The following LHFPL6 variants were observed in gnomAD, a reference collection of about 807,000 sequenced individuals.
The protein encoded by LHFPL6 is LHFPL tetraspan subfamily member 6, also known as LHFPL tetraspan subfamily member 6 protein.
A neutral mutation model predicts 20.6 loss-of-function variants in LHFPL6; 9 were observed. The ratio of observed to expected loss-of-function variants is 0.44; its 90% CI spans 0.26 to 0.76. The LOEUF is 0.76. Ranked by LOEUF, LHFPL6 falls within the 30% of genes least tolerant of loss-of-function variation. LHFPL6 has a pLI of 0.20. For missense variants in LHFPL6, 218 were observed against 253.5 expected, an observed-to-expected ratio of 0.86 and a Z score of 0.95; for synonymous variants, 105 against 98.7, an observed-to-expected ratio of 1.06 and a Z score of -0.38.
chr13:39,583,917 C>T (rs1315262978), intron 2 of LHFPL6, among the ~76,000 whole-genome samples: 2 of 152,096 alleles, frequency 1.3e-5, no homozygotes, highest in East Asian at 3.9e-4. Context: ...CACACCCAAG[C>T]GCCTCGTCTT....
chr13:39,376,047 GTTTGACATTCAAAGTTTTA>G (rs1231915691), intron 3 of LHFPL6, among the ~76,000 whole-genome samples: 1 of 152,158 alleles, frequency 6.6e-6, no homozygotes, highest in African/African-American at 2.4e-5. Flanking sequence ...TCAACGTTTA[GTTTGACATTCAAAGTTTTA>G]TTCCACAATG....
intron 2 of LHFPL6, among the ~76,000 whole-genome samples, chr13:39,432,480 C>T (rs73460966): frequency 0.026 from 3,939 of 152,062 alleles, 154 homozygotes; most frequent in African/African-American, 0.087. Flanking sequence ...TGCTCCCCTC[C>T]TCTGCAGGGT....
chr13:39,416,784 T>G (rs1012276357), intron 2 of LHFPL6, among the ~76,000 whole-genome samples: 12 of 152,228 alleles, frequency 7.9e-5, no homozygotes, highest in African/African-American at 2.6e-4. Flanking sequence ...GTAGAAAAAA[T>G]TTGTAAATGG....
intron 2 of LHFPL6, among the ~76,000 whole-genome samples, chr13:39,550,238 T>C (rs1871109721): frequency 6.6e-6 from 1 of 152,046 alleles, no homozygotes. Context: ...AGAAAACAGG[T>C]CACTGATTGT....
At chr13:39,419,748 A>G (rs1475608750) in intron 2 of LHFPL6, among the ~76,000 whole-genome samples, 1 of 152,170 alleles carries the variant, frequency 6.6e-6, no homozygotes, top group African/African-American at 2.4e-5. Flanking sequence ...TAGATTTTTA[A>G]CAATCATATT....
intron 2 of LHFPL6, among the ~76,000 whole-genome samples, chr13:39,511,972 G>A (rs1186288727): frequency 1.3e-5 from 2 of 152,146 alleles, no homozygotes; most frequent in African/African-American, 2.4e-5. Context: ...TAAATGCCTC[G>A]AAACATTTTC....
At chr13:39,554,249 A>G (rs535228250) in intron 2 of LHFPL6, among the ~76,000 whole-genome samples, 11 of 149,394 alleles carry the variant, frequency 7.4e-5, no homozygotes, top group African/African-American at 2.5e-4. Context: ...GTTATCTACC[A>G]GTCTCCATTT....
rs1485530232 is a variant in LHFPL6, at chr13:39,412,918, G to A, written c.386-34392C>T. Among the ~76,000 whole-genome samples, 6 of 89,022 alleles carry A rather than the reference G, an allele frequency of 6.7e-5. No homozygotes were observed. In the East Asian group the frequency reaches 9.3e-4, roughly 14 times the overall value. 58.4% of individuals were successfully genotyped at this position (89,022 alleles called of 152,430 possible). ...GCCTGGTCAACAGAGCAATACTCCC[G>A]TCTCAAAAAAAAAAAAAGAAAAAAA... On this transcript the variant is annotated intron_variant, in intron 2 of 3. Transcript: ENST00000379589.
chr13:39,486,935 C>T (rs1280245656), intron 2 of LHFPL6, among the ~76,000 whole-genome samples: 1 of 152,204 alleles, frequency 6.6e-6, no homozygotes, highest in South Asian at 2.1e-4. Flanking sequence ...TTAATCAGCA[C>T]ACAACAGAGA....
intron 2 of LHFPL6, among the ~76,000 whole-genome samples, chr13:39,390,025 C>T (rs540823882): frequency 8.1e-4 from 124 of 152,286 alleles, no homozygotes; most frequent in Middle Eastern, 6.8e-3. Flanking sequence ...CTCCCAACTA[C>T]CTTCATTCAT....
chr13:39,447,381 C>T (rs553480531), intron 2 of LHFPL6, among the ~76,000 whole-genome samples: 3 of 152,068 alleles, frequency 2.0e-5, no homozygotes, highest in Middle Eastern at 3.4e-3. Context: ...ATTGATATAT[C>T]TAATTTAGGA....
At chr13:39,413,979 T>C (rs1036942308) in intron 2 of LHFPL6, among the ~76,000 whole-genome samples, 1 of 152,228 alleles carries the variant, frequency 6.6e-6, no homozygotes, top group African/African-American at 2.4e-5. Context: ...TCATCCATAG[T>C]GATGAGTATA....
intron 2 of LHFPL6, among the ~76,000 whole-genome samples, chr13:39,499,403 C>T (rs940557527): frequency 1.3e-5 from 2 of 152,218 alleles, no homozygotes; most frequent in Admixed American, 6.5e-5. Context: ...TGCTGGTCTT[C>T]CTTCCTCAGT....
chr13:39,428,249 C>A (rs139857876), intron 2 of LHFPL6, among the ~76,000 whole-genome samples: 224 of 152,256 alleles, frequency 1.5e-3, no homozygotes, highest in African/African-American at 5.1e-3. Context: ...GAGAAGTATT[C>A]TCTCCTATTC....
chr13:39,413,361 A>C (rs558331463), intron 2 of LHFPL6, among the ~76,000 whole-genome samples: 5 of 151,982 alleles, frequency 3.3e-5, no homozygotes, highest in South Asian at 4.2e-4. Flanking sequence ...CCTAATCTTT[A>C]AAGTAGGAAA....
At chr13:39,470,898 CT>C (rs1478809414) in intron 2 of LHFPL6, among the ~76,000 whole-genome samples, 1 of 152,200 alleles carries the variant, frequency 6.6e-6, no homozygotes, top group African/African-American at 2.4e-5. Context: ...TGGTTACCTC[CT>C]TCTCCCTCTC....
chr13:39,350,159 C>T (rs1395494370), intron 3 of LHFPL6, among the ~76,000 whole-genome samples: 3 of 152,212 alleles, frequency 2.0e-5, no homozygotes, highest in Non-Finnish European at 4.4e-5. Flanking sequence ...ATATCACTCA[C>T]ATCAGCTGTA....
In LHFPL6 at chr13:39,386,933, C is replaced by T. The variant is rs1469232831; in HGVS notation, c.386-8407G>A. On this transcript the variant is annotated intron_variant, in intron 2 of 3. Transcript: ENST00000379589. ...TGCTTACCTTAATGCTCAGAAAATA[C>T]TACCACTTAAGGTCTACGAAGCCTC... is the stretch of plus-strand genomic sequence containing the variant. 3.3e-5 allele frequency among the ~76,000 whole-genome samples: 5 copies of T among 152,200 alleles called. No homozygotes were observed. The East Asian group carries it at 9.6e-4, about 29-fold the overall frequency.
chr13:39,343,777 T>G lies in LHFPL6; in HGVS notation c.*159A>C. 1 of 595,068 alleles carries G rather than the reference T, an allele frequency of 1.7e-6. No individual in the cohort carries two copies. The highest frequency in any genetic ancestry group is 3.0e-6 in the Non-Finnish European group (1 of 337,588). 36.9% of individuals were successfully genotyped at this position (595,068 alleles called of 1,614,324 possible). On this transcript the variant is annotated 3_prime_UTR_variant, in exon 4 of 4. Coordinates refer to ENST00000379589, the MANE Select transcript of LHFPL6 (RefSeq NM_005780.3). ...TCCCCCACAAATCTCCTACAATCCT[T>G]CCTTCCTATATCATGTTCCTGATTT...
Sources: gnomAD v4.1 joint callset for allele counts (sites outside exome capture counted in the v4.1 genomes callset) on GRCh38, gnomAD v4.1.1 for gene constraint, MANE v1.5 for transcripts, NCBI Gene and HGNC (gene_info 2026-07-23, HGNC 2026-07-21) for gene names.